The following AFF3 variants were observed in gnomAD, a reference collection of about 807,000 sequenced individuals.
AFF3 encodes AF4/FMR2 family member 3.
A neutral mutation model predicts 129.7 loss-of-function variants in AFF3; 32 were observed. That is an observed-to-expected ratio of 0.25 (90% CI 0.19 to 0.33). The LOEUF (loss-of-function observed/expected upper bound fraction) is 0.33, where lower values mean the gene tolerates loss of function less well. AFF3 is among the 10% of genes least tolerant of loss of function. The pLI, the probability that AFF3 is intolerant of heterozygous loss-of-function variation, is 1.00. For synonymous variants in AFF3, 644 were observed against 635.4 expected (o/e 1.01, Z -0.20); for missense variants, 1,373 against 1,592.0 (o/e 0.86, Z 2.34).
At chr2:99,900,020 A>G (rs1240284555) in intron 7 of AFF3, among the ~76,000 whole-genome samples, 1 of 152,240 alleles carries the variant, frequency 6.6e-6, no homozygotes, top group East Asian at 1.9e-4. Context: ...CAATGATCCC[A>G]TAAGATTTCA....
chr2:99,947,991 T>C (rs1157633972), intron 7 of AFF3, among the ~76,000 whole-genome samples: 1 of 152,118 alleles, frequency 6.6e-6, no homozygotes, highest in Non-Finnish European at 1.5e-5. Context: ...GATTTGGCAG[T>C]CCAGAGTGAG....
At chr2:100,080,744 T>C (rs915319899) in intron 4 of AFF3, among the ~76,000 whole-genome samples, 2 of 152,118 alleles carry the variant, frequency 1.3e-5, no homozygotes, top group African/African-American at 2.4e-5. Flanking sequence ...CCAAAGGACC[T>C]GGATAGTGAA....
chr2:99,590,057 G>C (rs1678515580), intron 15 of AFF3, among the ~76,000 whole-genome samples: 1 of 152,206 alleles, frequency 6.6e-6, no homozygotes, highest in African/African-American at 2.4e-5. Context: ...TTCCCCTTCT[G>C]CCAATCAGAG....
Position 99,587,181 on chromosome 2 carries a change from G to T in AFF3, c.2564C>A (p.Ala855Glu). The T allele has an allele frequency of 6.2e-7, 1 of 1,614,136 alleles. No individual in the cohort carries two copies. Among genetic ancestry groups the T allele is most frequent in the Non-Finnish European group, 8.5e-7 (1 of 1,180,018 alleles). The change falls in exon 16 of 25, where the codon GCA becomes GAA. Residue 855 changes from alanine (A) to glutamate (E), a missense_variant. Around this residue, in one of 9 missense-constraint regions of AFF3, gnomAD observed 466 missense variants for 505.0 expected, o/e 0.92. Transcript: ENST00000672756. ...LATSTSNTLSANHCNMNINSV... is the reference protein window; with the variant it reads ...LATSTSNTLSENHCNMNINSV... ...GTTGATGTTCATGTTGCAGTGGTTT[G>T]CAGACAAAGTATTACTGGTGGAGGT...
At chr2:99,776,873 CA>C (rs1683944271) in intron 8 of AFF3, among the ~76,000 whole-genome samples, 1 of 152,180 alleles carries the variant, frequency 6.6e-6, no homozygotes, top group Non-Finnish European at 1.5e-5. Flanking sequence ...AAAATCAGAC[CA>C]CCATCAGCAC....
intron 4 of AFF3, among the ~76,000 whole-genome samples, chr2:100,080,321 T>C (rs1359380846): frequency 6.6e-6 from 1 of 152,218 alleles, no homozygotes; most frequent in Non-Finnish European, 1.5e-5. Context: ...ATGTTTATTG[T>C]AATTTTGTTT....
intron 7 of AFF3, among the ~76,000 whole-genome samples, chr2:99,874,994 T>C (rs865781759): frequency 2.0e-5 from 3 of 152,256 alleles, no homozygotes; most frequent in Non-Finnish European, 2.9e-5. Context: ...GAATTATTTG[T>C]ATTATGCTTG....
chr2:99,588,412 A>C (rs971378255), intron 15 of AFF3, among the ~76,000 whole-genome samples: 2 of 152,198 alleles, frequency 1.3e-5, no homozygotes, highest in African/African-American at 2.4e-5. Context: ...TCCTGGGCTC[A>C]AGCGATCCTC....
intron 13 of AFF3, among the ~76,000 whole-genome samples, chr2:99,633,357 C>T (rs185118354): frequency 1.6e-4 from 25 of 151,938 alleles, no homozygotes; most frequent in African/African-American, 2.2e-4. Context: ...GCTGTGTGGA[C>T]GATGGCAATG....
chr2:99,992,266 A>G (rs1270287281), intron 7 of AFF3, among the ~76,000 whole-genome samples: 1 of 152,212 alleles, frequency 6.6e-6, no homozygotes, highest in African/African-American at 2.4e-5. Context: ...ACCTGTTGGT[A>G]TAAAGATAAG....
intron 15 of AFF3, among the ~76,000 whole-genome samples, chr2:99,590,986 G>A (rs1470749637): frequency 3.4e-5 from 5 of 145,510 alleles, no homozygotes; most frequent in Admixed American, 6.9e-5. Context: ...CAACAAGAGC[G>A]AAACTCTGTC....
At chr2:99,690,185 ATTATTATTAT>A (rs1260187366) in intron 11 of AFF3, among the ~76,000 whole-genome samples, 2 of 133,462 alleles carry the variant, frequency 1.5e-5, no homozygotes, top group Non-Finnish European at 3.0e-5. Context: ...TATTATTATT[ATTATTATTAT>A]TATTTGAGAC....
chr2:99,988,172 T>C (rs1015630001), intron 7 of AFF3, among the ~76,000 whole-genome samples: 3 of 151,632 alleles, frequency 2.0e-5, no homozygotes, highest in Non-Finnish European at 2.9e-5. Flanking sequence ...AGCCAGGGAG[T>C]GAAGGCAGGG....
intron 7 of AFF3, among the ~76,000 whole-genome samples, chr2:99,924,284 C>T (rs1444378335): frequency 6.6e-6 from 1 of 152,204 alleles, no homozygotes; most frequent in Non-Finnish European, 1.5e-5. Flanking sequence ...ACAAAGACAA[C>T]AATGTATATC....
intron 13 of AFF3, among the ~76,000 whole-genome samples, chr2:99,605,857 A>AT (rs34385645): frequency 0.31 from 46,007 of 147,764 alleles, 6,919 homozygotes; most frequent in South Asian, 0.34. Flanking sequence ...TAATTTTTGT[A>AT]TTTTTTTTTT....
At chr2:99,883,427 C>T (rs559661761) in intron 7 of AFF3, among the ~76,000 whole-genome samples, 1 of 152,246 alleles carries the variant, frequency 6.6e-6, no homozygotes, top group East Asian at 1.9e-4. Flanking sequence ...ATTAAAAACG[C>T]TAAAAAATAA....
At chr2:99,954,846 C>T (rs1017504584) in intron 7 of AFF3, among the ~76,000 whole-genome samples, 7 of 150,816 alleles carry the variant, frequency 4.6e-5, no homozygotes, top group African/African-American at 1.7e-4. Flanking sequence ...AGCACACCAG[C>T]ATGGCACATG....
chr2:99,893,267 A>G (rs1307205170), intron 7 of AFF3, among the ~76,000 whole-genome samples: 2 of 152,254 alleles, frequency 1.3e-5, no homozygotes, highest in Admixed American at 1.3e-4. Context: ...ATATCTGATT[A>G]TATGAATATA....
chr2:100,105,297 A>G (rs948147651), intron 3 of AFF3: 1 of 1,184,312 alleles, frequency 8.4e-7, no homozygotes, highest in African/African-American at 1.6e-5. Flanking sequence ...GCGCGGGGAG[A>G]GTGAGCTGTG....
Sources: gnomAD v4.1 joint callset for allele counts (sites outside exome capture counted in the v4.1 genomes callset) on GRCh38, gnomAD v4.1.1 for gene constraint, gnomAD v4.1.1 regional missense constraint, MANE v1.5 for transcripts, NCBI Gene and HGNC (gene_info 2026-07-23, HGNC 2026-07-21) for gene names.